Variants in ZNF490 observed in about 807,000 individuals in gnomAD.
ZNF490 encodes zinc finger protein 490.
ZNF490 carries 11 observed loss-of-function variants against 17.7 expected under a neutral mutation model. The observed-to-expected ratio is 0.62, with a 90% CI of 0.39 to 1.03. ZNF490 has a LOEUF of 1.03. ZNF490 is among the 50% of genes least tolerant of loss of function. The pLI is 0.00. For missense variants in ZNF490, 542 were observed against 643.4 expected, an observed-to-expected ratio of 0.84 and a Z score of 1.71; for synonymous variants, 222 against 216.1, an observed-to-expected ratio of 1.03 and a Z score of -0.24.
At chr19:12,589,546 T>C (rs879052205) in intron 2 of ZNF490, among the ~76,000 whole-genome samples, 1 of 149,090 alleles carries the variant, frequency 6.7e-6, no homozygotes, top group South Asian at 2.1e-4. Flanking sequence ...AAACTAGGAA[T>C]AGAAGGGAAT....
At chr19:12,603,975 A>G (rs2023037417) in intron 2 of ZNF490, among the ~76,000 whole-genome samples, 1 of 152,112 alleles carries the variant, frequency 6.6e-6, no homozygotes, top group African/African-American at 2.4e-5. Context: ...GCTAGTTGCC[A>G]GGGAACCAAC....
chr19:12,604,433 T>G (rs1375432215), intron 2 of ZNF490, among the ~76,000 whole-genome samples: 1 of 151,994 alleles, frequency 6.6e-6, no homozygotes, highest in Admixed American at 6.6e-5. Flanking sequence ...GGGCGGATCA[T>G]GAGGTCAGGA....
intron 2 of ZNF490, among the ~76,000 whole-genome samples, chr19:12,596,280 A>AAAAAAAAAATT (rs2022932767): frequency 6.6e-6 from 1 of 151,254 alleles, no homozygotes; most frequent in Admixed American, 6.6e-5. Flanking sequence ...AAAAAAAAAA[A>AAAAAAAAAATT]GTGATTTGAT....
chr19:12,609,936 A>C (rs2023124398), intron 1 of ZNF490: 1 of 455,762 alleles, frequency 2.2e-6, no homozygotes, highest in Non-Finnish European at 4.4e-6. Context: ...CCACTATGAA[A>C]TATATCCACG....
chr19:12,581,484 T>A lies in ZNF490; in HGVS notation c.591A>T (p.Lys197Asn), dbSNP rs1041366020. The stretch of plus-strand genomic sequence containing the variant: ...TGCGAGTGAAGGTTTTCCCACATTC[T>A]TTGCATTTATGTGGCTTCTCTCCAT... ...HEYGEKPHKC[K>N]ECGKTFTRSS... Residue 197 changes from lysine to asparagine, a missense_variant, in exon 5 of 5, where the codon AAA becomes AAT. Lys to Asn is a moderately conservative substitution (Grantham distance 94). Coordinates refer to ENST00000311437, the MANE Select transcript of ZNF490 (RefSeq NM_020714.3). The A allele has an allele frequency of 2.5e-6, 4 of 1,614,250 alleles. No individual in the cohort carries two copies. Among genetic ancestry groups the A allele is most frequent in the Admixed American group, 1.7e-5 (1 of 60,030 alleles).
chr19:12,584,407 C>T lies in ZNF490; in HGVS notation c.163-851G>A, dbSNP rs1458946017. Among the ~76,000 whole-genome samples, 17 of 93,296 alleles carry T rather than the reference C, an allele frequency of 1.8e-4. 5 individuals carry two copies. Among genetic ancestry groups the T allele is most frequent in the African/African-American group, 5.5e-4 (17 of 31,146 alleles). 61.2% of individuals were successfully genotyped at this position (93,296 alleles called of 152,430 possible). A position where few individuals can be genotyped will look rare whatever the true frequency, so the allele number is the denominator to read the frequency against. On this transcript the variant is annotated intron_variant, in intron 2 of 4. Transcript: ENST00000311437. Reference sequence around the variant, plus strand: ...TCCTGACCTCGTGAATCGCCCCCCTCGGCCTCCCAAAGTGCTGGGATTACA... The same window carrying T: ...TCCTGACCTCGTGAATCGCCCCCCTTGGCCTCCCAAAGTGCTGGGATTACA...
intron 2 of ZNF490, among the ~76,000 whole-genome samples, chr19:12,596,810 T>C (rs2022939384): frequency 2.0e-5 from 3 of 152,066 alleles, no homozygotes; most frequent in African/African-American, 7.2e-5. Flanking sequence ...AAAAAAATGT[T>C]CCCTCCTCCA....
chr19:12,599,550 T>C (rs977292212), intron 2 of ZNF490, among the ~76,000 whole-genome samples: 2 of 152,202 alleles, frequency 1.3e-5, no homozygotes, highest in East Asian at 3.9e-4. Context: ...TCAGACCTTA[T>C]CTGCACTTCT....
At chr19:12,599,307 G>A (rs2022974802) in intron 2 of ZNF490, among the ~76,000 whole-genome samples, 1 of 151,918 alleles carries the variant, frequency 6.6e-6, no homozygotes. Flanking sequence ...AAAAATGACT[G>A]GTTGTTTAAA....
rs140233525 is a variant in ZNF490 at position 12,600,708 on chromosome 19, G to A, written c.162+8450C>T. On this transcript the variant is annotated intron_variant, in intron 2 of 4. Transcript: ENST00000311437. ...GTCATCCATAAATAATTGTTGTCTT[G>A]TCTTGGTCCTCTTTAGAAGGTGGTT... Among the ~76,000 whole-genome samples the A allele has an allele frequency of 3.1e-3, 474 of 152,238 alleles. 7 individuals are homozygous for A. The highest frequency in any genetic ancestry group is 0.021 in the Admixed American group (324 of 15,268).
chr19:12,582,767 T>G (rs1487294569), intron 4 of ZNF490, 83 bp downstream of exon 4: 2 of 1,175,492 alleles, frequency 1.7e-6, no homozygotes, highest in Non-Finnish European at 2.5e-6. Context: ...CTCTGCTTAT[T>G]GTTTTGCTTG....
intron 4 of ZNF490, among the ~76,000 whole-genome samples, chr19:12,582,458 G>A (rs1057204250): frequency 2.0e-5 from 3 of 151,866 alleles, no homozygotes; most frequent in Non-Finnish European, 4.4e-5. Context: ...GCAGTGGATC[G>A]ATCTCAGCTC....
chr19:12,599,451 T>C (rs1163051223), intron 2 of ZNF490, among the ~76,000 whole-genome samples: 1 of 152,154 alleles, frequency 6.6e-6, no homozygotes, highest in African/African-American at 2.4e-5. Flanking sequence ...GAATGCTTCA[T>C]AAAATGCCAT....
intron 2 of ZNF490, among the ~76,000 whole-genome samples, chr19:12,595,877 G>A (rs533291218): frequency 7.2e-5 from 11 of 152,168 alleles, no homozygotes; most frequent in Admixed American, 2.0e-4. Flanking sequence ...CTTGAACCTG[G>A]GAGGCAGAGG....
chr19:12,583,002 T>TAATC, intron 3 of ZNF490, 92 bp from the exon 4 acceptor site: 16 of 1,065,958 alleles, frequency 1.5e-5, no homozygotes, highest in Non-Finnish European at 1.9e-5. Context: ...ATTGATTAGC[T>TAATC]ATGACACTGT....
chr19:12,600,309 G>A (rs1389420377), intron 2 of ZNF490, among the ~76,000 whole-genome samples: 1 of 151,972 alleles, frequency 6.6e-6, no homozygotes, highest in African/African-American at 2.4e-5. Context: ...GGAAGTTGCA[G>A]TGAGCCGAGA....
intron 2 of ZNF490, among the ~76,000 whole-genome samples, chr19:12,602,342 C>T (rs35235213): frequency 0.62 from 94,110 of 151,946 alleles, 30,004 homozygotes; most frequent in Non-Finnish European, 0.69. Context: ...AGGTCAGGAA[C>T]TTGAGACCAG....
In ZNF490 at chr19:12,609,179, T is replaced by C. The variant is rs1319012616; in HGVS notation, c.141A>G (p.Gly47=). 1 of 1,614,164 alleles carries C rather than the reference T, an allele frequency of 6.2e-7. No individual in the cohort carries two copies. The change falls in exon 2 of 5, where the codon GGA becomes GGG. Residue 47 remains glycine, a synonymous_variant. Transcript: ENST00000311437. ...VLQMQNSEHH[G]QSIKTQTDSI... is the part of the protein sequence containing the mutation. ...TTACAGTTTGAGTCTTGATGCTTTG[T>C]CCATGGTGTTCACTGTTCTGCATCT...
chr19:12,597,484 C>G (rs1454695732), intron 2 of ZNF490, among the ~76,000 whole-genome samples: 1 of 152,078 alleles, frequency 6.6e-6, no homozygotes, highest in East Asian at 1.9e-4. Context: ...GTTCTTTGCC[C>G]GAGGTCCATT....
Sources: gnomAD v4.1 joint callset for allele counts (sites outside exome capture counted in the v4.1 genomes callset) on GRCh38, gnomAD v4.1.1 for gene constraint, MANE v1.5 for transcripts, NCBI Gene and HGNC (gene_info 2026-07-23, HGNC 2026-07-21) for gene names.